The following RBFOX1 variants were observed in gnomAD, a reference collection of about 807,000 sequenced individuals.
RBFOX1 encodes the protein RNA binding protein fox-1 homolog 1.
A neutral mutation model predicts 57.7 loss-of-function variants in RBFOX1; 8 were observed. The observed-to-expected ratio is 0.14, with a 90% confidence interval of 0.08 to 0.25. RBFOX1 has a LOEUF of 0.25. Ranked by LOEUF, RBFOX1 falls within the 10% of genes least tolerant of loss-of-function variation. RBFOX1 has a pLI of 1.00. For missense variants in RBFOX1, 611 were observed against 548.5 expected (o/e 1.11, Z -1.14); for synonymous variants, 326 against 222.4 (o/e 1.47, Z -4.15).
rs528537675 is a variant in RBFOX1 at position 7,549,261 on chromosome 16, A to G, written c.271-30516A>G. Among the ~76,000 whole-genome samples the G allele has an allele frequency of 2.2e-4, 34 of 152,332 alleles. 1 individual carries two copies. Among genetic ancestry groups the G allele is most frequent in the African/African-American group, 8.2e-4 (34 of 41,580 alleles). On this transcript the variant is annotated intron_variant, in intron 5 of 15. Coordinates refer to ENST00000550418, the MANE Select transcript of RBFOX1 (RefSeq NM_018723.4). ...TAGCCCCCAATTTGGAACAACCATT[A>G]TGGCTGCTGAATGCTGTAGGACTGT...
chr16:7,514,818 C>G (rs1016174009), intron 4 of RBFOX1, among the ~76,000 whole-genome samples: 3 of 152,140 alleles, frequency 2.0e-5, no homozygotes, highest in Non-Finnish European at 2.9e-5. Flanking sequence ...AGCCTTAGCT[C>G]TTTTGCAAGA....
intron 3 of RBFOX1, among the ~76,000 whole-genome samples, chr16:7,046,603 C>CTTTTTTT (rs59921108): frequency 8.2e-5 from 7 of 84,970 alleles, no homozygotes; most frequent in East Asian, 7.2e-4. Context: ...TGTGTTTTAT[C>CTTTTTTT]TTTTTTTTTT....
chr16:6,542,481 G>GTTTTTT (rs1567617665), intron 2 of RBFOX1, among the ~76,000 whole-genome samples: 1 of 37,150 alleles, frequency 2.7e-5, no homozygotes, highest in African/African-American at 9.1e-5. Context: ...TGGGACCATA[G>GTTTTTT]TCTTTTTTTT....
chr16:6,125,593 G>C (rs140689202), intron 1 of RBFOX1, among the ~76,000 whole-genome samples: 1 of 152,310 alleles, frequency 6.6e-6, no homozygotes, highest in Non-Finnish European at 1.5e-5. Flanking sequence ...AAATTCATGG[G>C]AATCGTGTAC....
intron 3 of RBFOX1, among the ~76,000 whole-genome samples, chr16:6,782,632 G>T (rs1034563283): frequency 6.6e-6 from 1 of 152,114 alleles, no homozygotes; most frequent in African/African-American, 2.4e-5. Context: ...TCTGAGACTT[G>T]TGTTTCGGCC....
At chr16:6,580,377 T>C (rs2097519964) in intron 2 of RBFOX1, among the ~76,000 whole-genome samples, 1 of 152,210 alleles carries the variant, frequency 6.6e-6, no homozygotes, top group South Asian at 2.1e-4. Context: ...CATTTGCCAA[T>C]TATCTGGAGA....
chr16:7,026,448 CTT>C (rs983679322), intron 3 of RBFOX1, among the ~76,000 whole-genome samples: 2 of 152,142 alleles, frequency 1.3e-5, no homozygotes, highest in Admixed American at 1.3e-4. Flanking sequence ...TATTTAGACT[CTT>C]TTTTTCTTCT....
intron 4 of RBFOX1, among the ~76,000 whole-genome samples, chr16:7,282,630 A>G (rs1201824719): frequency 6.6e-6 from 1 of 151,088 alleles, no homozygotes; most frequent in Non-Finnish European, 1.5e-5. Flanking sequence ...GTGGTGTTTG[A>G]TTTCATAAGT....
chr16:7,648,901 ACT>A (rs1427895971), intron 11 of RBFOX1, among the ~76,000 whole-genome samples: 2 of 152,068 alleles, frequency 1.3e-5, no homozygotes, highest in South Asian at 2.1e-4. Context: ...TTGAAATCAT[ACT>A]CTTTCAAAAT....
intron 4 of RBFOX1, among the ~76,000 whole-genome samples, chr16:5,919,756 C>G (rs1263923539): frequency 2.0e-5 from 3 of 152,136 alleles, no homozygotes; most frequent in Admixed American, 1.3e-4. Flanking sequence ...AACCCCATAC[C>G]CGTTAGGAGT....
At chr16:6,981,309 T>A (rs2088794048) in intron 3 of RBFOX1, among the ~76,000 whole-genome samples, 4 of 152,070 alleles carry the variant, frequency 2.6e-5, no homozygotes, top group Admixed American at 1.3e-4. Context: ...TTTGTCCCCC[T>A]CTATGTGTCC....
In RBFOX1 at chr16:5,434,718, T is replaced by G. The variant is rs2067863670; in HGVS notation, c.220-32498T>G. 2.0e-5 allele frequency among the ~76,000 whole-genome samples: 3 copies of G among 152,236 alleles called. 1 individual carries two copies. The South Asian group carries it at 6.2e-4, about 31-fold the overall frequency. On this transcript the variant is annotated intron_variant, in intron 1 of 2. Coordinates refer to the RBFOX1 transcript ENST00000585867. The stretch of plus-strand genomic sequence containing the variant: ...TGCATCTCTTGACTCTGTCATGAAA[T>G]GTAAGGGATTTAGCTTATTTGCAAT...
chr16:7,708,505 G>C (rs2083235104), intron 14 of RBFOX1, among the ~76,000 whole-genome samples: 2 of 69,640 alleles, frequency 2.9e-5, no homozygotes, highest in South Asian at 5.8e-4. Context: ...GATTGAATGG[G>C]AATGGGAATG....
At chr16:5,571,429 G>A (rs1000355344) in intron 2 of RBFOX1, among the ~76,000 whole-genome samples, 1 of 151,798 alleles carries the variant, frequency 6.6e-6, no homozygotes, top group Admixed American at 6.6e-5. Context: ...TGGCCACGCT[G>A]GTCTCAAACT....
intron 1 of RBFOX1, among the ~76,000 whole-genome samples, chr16:6,203,219 G>A (rs2097227828): frequency 6.6e-6 from 1 of 152,100 alleles, no homozygotes; most frequent in African/African-American, 2.4e-5. Context: ...CATTACTGGA[G>A]CTTTGTACCC....
intron 1 of RBFOX1, among the ~76,000 whole-genome samples, chr16:5,320,772 T>G (rs2064379815): frequency 6.6e-6 from 1 of 152,150 alleles, no homozygotes; most frequent in Non-Finnish European, 1.5e-5. Flanking sequence ...GACCACAACT[T>G]GAAGCTCCAT....
rs182264516 is a variant in RBFOX1, at chr16:7,170,148, A to G, written c.27+118050A>G. Among the ~76,000 whole-genome samples, 6 of 152,342 alleles carry G rather than the reference A, an allele frequency of 3.9e-5. No individual in the cohort carries two copies. The East Asian group carries it at 1.2e-3, about 29-fold the overall frequency. The stretch of plus-strand genomic sequence containing the variant: ...TTAATATATCTTATGTTTTGCACAG[A>G]CAGAACTTCAAATTTCCAAAACCCC... On this transcript the variant is annotated intron_variant, in intron 4 of 15. Transcript: ENST00000550418.
At chr16:6,951,765 G>A (rs957587096) in intron 3 of RBFOX1, among the ~76,000 whole-genome samples, 12 of 152,056 alleles carry the variant, frequency 7.9e-5, no homozygotes, top group Admixed American at 2.6e-4. Context: ...ATGGAGTCTC[G>A]CTCTTTCGCC....
At chr16:5,699,779 C>G (rs187034708) in intron 3 of RBFOX1, among the ~76,000 whole-genome samples, 1 of 152,312 alleles carries the variant, frequency 6.6e-6, no homozygotes, top group East Asian at 1.9e-4. Flanking sequence ...AGAAATCCTT[C>G]ATGATAAGAT....
Sources: gnomAD v4.1 joint callset for allele counts (sites outside exome capture counted in the v4.1 genomes callset) on GRCh38, gnomAD v4.1.1 for gene constraint, MANE v1.5 for transcripts, NCBI Gene and HGNC (gene_info 2026-07-23, HGNC 2026-07-21) for gene names.